Variants in PEBP4 observed in about 807,000 individuals in gnomAD.
PEBP4 encodes phosphatidylethanolamine-binding protein 4.
A neutral mutation model predicts 23.9 loss-of-function variants in PEBP4; 22 were observed. That is an observed-to-expected ratio of 0.92 (90% CI 0.66 to 1.31). PEBP4 has a LOEUF of 1.31. Among genes scored for constraint, PEBP4 ranks in the 40% most tolerant of loss-of-function variants. The probability of loss-of-function intolerance (pLI) is 0.00; values close to 1 mark genes in which losing one functional copy is unlikely to be tolerated. For synonymous variants in PEBP4, 112 were observed against 99.3 expected (o/e 1.13, Z -0.76); for missense variants, 324 against 281.7 (o/e 1.15, Z -1.07).
At chr8:22,819,699 G>A (rs922311690) in intron 3 of PEBP4, among the ~76,000 whole-genome samples, 6 of 150,900 alleles carry the variant, frequency 4.0e-5, no homozygotes, top group African/African-American at 4.9e-5. Flanking sequence ...CTCTGCCTCC[G>A]GGGTTCACGC....
intron 3 of PEBP4, among the ~76,000 whole-genome samples, chr8:22,841,106 A>G (rs1467506559): frequency 6.6e-6 from 1 of 152,240 alleles, no homozygotes; most frequent in Non-Finnish European, 1.5e-5. Flanking sequence ...CCAGCTCAGC[A>G]CTATCATCTC....
chr8:22,778,029 C>T (rs1027669571), intron 4 of PEBP4, among the ~76,000 whole-genome samples: 1 of 152,128 alleles, frequency 6.6e-6, no homozygotes, highest in Non-Finnish European at 1.5e-5. Context: ...CGATGGGACC[C>T]GCGAGGCAGA....
chr8:22,713,252 C>A lies in PEBP4; in HGVS notation c.*118G>T, dbSNP rs913356360. 9.2e-6 allele frequency: 13 copies of A among 1,419,086 alleles called. No homozygotes were observed. The Admixed American group carries it at 2.9e-4, about 31-fold the overall frequency. 87.9% of individuals were successfully genotyped at this position (1,419,086 alleles called of 1,614,324 possible). On this transcript the variant is annotated 3_prime_UTR_variant, in exon 7 of 7. Transcript: ENST00000256404. ...CAAGCTAGGATACAAAGCACCAAGC[C>A]CTGGATGATTTTTTTTTTATTTGGA...
intron 4 of PEBP4, among the ~76,000 whole-genome samples, chr8:22,730,342 A>G (rs1043231782): frequency 9.2e-5 from 14 of 152,194 alleles, no homozygotes; most frequent in South Asian, 6.2e-4. Context: ...TTTGAGACCG[A>G]ACAGTTTAGG....
rs1318658609 is a variant in PEBP4 at position 22,775,382 on chromosome 8, C to T, written c.357+42255G>A. The stretch of plus-strand genomic sequence containing the variant: ...GTCTCTGCTGGGTGGGCCCAGCTGT[C>T]GAGGCCCAGGCAAGGAGCGGCCTTG... On this transcript the variant is annotated intron_variant, in intron 4 of 6. Transcript: ENST00000256404. The surrounding 1 kb of genome is among the most constrained non-coding windows in gnomAD (Gnocchi z 4.8). Among the ~76,000 whole-genome samples the T allele has an allele frequency of 6.6e-6, 1 of 152,174 alleles. No individual in the cohort carries two copies. The highest frequency in any genetic ancestry group is 2.4e-5 in the African/African-American group (1 of 41,432).
Position 22,724,841 on chromosome 8 carries a change from A to C in PEBP4, c.517+2T>G. ...GTGGCTGGAAGGATGGGGAGGTCTT[A>C]CCTCGAGTTTTGTTTTCCTTGGGAA... is the stretch of plus-strand genomic sequence containing the variant. On this transcript the variant is annotated splice_donor_variant, in intron 6 of 6. Transcript: ENST00000256404. LOFTEE classifies it high-confidence loss of function. 1.2e-6 allele frequency: 2 copies of C among 1,607,982 alleles called. No individual in the cohort carries two copies. Among genetic ancestry groups the C allele is most frequent in the Non-Finnish European group, 1.7e-6 (2 of 1,174,554 alleles).
chr8:22,855,983 G>A (rs946190937), intron 3 of PEBP4, among the ~76,000 whole-genome samples: 44 of 147,460 alleles, frequency 3.0e-4, no homozygotes, highest in African/African-American at 1.1e-3. Flanking sequence ...GGCTGAGGCT[G>A]AGGCTGCAGT....
chr8:22,722,690 T>A (rs1184900971), intron 6 of PEBP4, among the ~76,000 whole-genome samples: 1 of 152,184 alleles, frequency 6.6e-6, no homozygotes, highest in Non-Finnish European at 1.5e-5. Flanking sequence ...CCTCTGAAGT[T>A]CCCAGCACAG....
chr8:22,714,410 A>G (rs1804371985), intron 6 of PEBP4, among the ~76,000 whole-genome samples: 2 of 151,922 alleles, frequency 1.3e-5, no homozygotes, highest in South Asian at 2.1e-4. Flanking sequence ...TTTAATTTGA[A>G]TCTCAGATAA....
chr8:22,877,046 A>G (rs530811984), intron 3 of PEBP4, among the ~76,000 whole-genome samples: 136 of 152,336 alleles, frequency 8.9e-4, no homozygotes, highest in African/African-American at 3.2e-3. Flanking sequence ...AGCTATTTGA[A>G]TTATGATTTG....
chr8:22,750,093 A>G (rs942383437), intron 4 of PEBP4, among the ~76,000 whole-genome samples: 1 of 151,668 alleles, frequency 6.6e-6, no homozygotes, highest in Non-Finnish European at 1.5e-5. Context: ...GGCGTGAGCC[A>G]CCGCACCCAG....
chr8:22,935,340 G>A (rs1030726768), intron 1 of PEBP4, among the ~76,000 whole-genome samples: 4 of 152,106 alleles, frequency 2.6e-5, no homozygotes, highest in African/African-American at 9.7e-5. Flanking sequence ...GGCCAACATG[G>A]AGAAACCATG....
chr8:22,910,076 C>A (rs1808906470), intron 3 of PEBP4, among the ~76,000 whole-genome samples: 1 of 152,174 alleles, frequency 6.6e-6, no homozygotes, highest in African/African-American at 2.4e-5. Flanking sequence ...CCGATGGGTG[C>A]CAGGTTGGGA....
rs376139908 is a variant in PEBP4, at chr8:22,920,211, C to T, written c.231G>A (p.Pro77=). 27 of 1,612,960 alleles carry T rather than the reference C, an allele frequency of 1.7e-5. No homozygotes were observed. The highest frequency in any genetic ancestry group is 6.7e-5 in the East Asian group (3 of 44,872). ...YRQKITSWME[P]IVKFPGAVDG... is the part of the protein sequence containing the mutation. ...CCACGGCCCCCGGGAACTTGACTAT[C>T]GGCTCCATCCAGGAGGTGATCTTCT... The change falls in exon 3 of 7, where the codon CCG becomes CCA. Residue 77 remains proline (P), a synonymous_variant. Transcript: ENST00000256404.
intron 3 of PEBP4, among the ~76,000 whole-genome samples, chr8:22,830,819 T>A (rs1279413532): frequency 6.6e-6 from 1 of 152,192 alleles, no homozygotes; most frequent in Non-Finnish European, 1.5e-5. Flanking sequence ...CACCATCTTT[T>A]GTCTTGGCTA....
chr8:22,804,581 G>T (rs1259120067), intron 4 of PEBP4, among the ~76,000 whole-genome samples: 4 of 152,052 alleles, frequency 2.6e-5, no homozygotes, highest in Non-Finnish European at 5.9e-5. Context: ...TTGTACAGCA[G>T]ATCTCCAGGA....
chr8:22,827,932 G>T (rs1361624938), intron 3 of PEBP4, among the ~76,000 whole-genome samples: 6 of 152,110 alleles, frequency 3.9e-5, no homozygotes, highest in African/African-American at 1.4e-4. Context: ...GGTGTAAACT[G>T]GTATCTCATG....
intron 3 of PEBP4, among the ~76,000 whole-genome samples, chr8:22,857,574 G>A (rs1807680222): frequency 6.6e-6 from 1 of 152,192 alleles, no homozygotes; most frequent in Admixed American, 6.5e-5. Context: ...GGTTGGTAGG[G>A]TCCTTGAACC....
At chr8:22,815,087 T>C (rs1258416564) in intron 4 of PEBP4, 1 of 152,218 alleles carries the variant, frequency 6.6e-6, no homozygotes, top group Non-Finnish European at 1.5e-5. Flanking sequence ...AGAGATGGCA[T>C]CATTCAACTT....
Sources: allele counts gnomAD v4.1 joint callset (sites outside exome capture counted in the v4.1 genomes callset), GRCh38; gene constraint gnomAD v4.1.1; non-coding constraint Gnocchi (gnomAD v3.1); transcripts MANE v1.5; gene names NCBI Gene and HGNC (gene_info 2026-07-23, HGNC 2026-07-21).